Variants in DTNA observed in about 807,000 individuals in gnomAD.
DTNA encodes the protein dystrophin-related protein 3.
Under a neutral mutation model 100.7 loss-of-function variants are expected in DTNA, and 43 were observed. The ratio of observed to expected loss-of-function variants is 0.43; its 90% CI spans 0.33 to 0.55. DTNA has a LOEUF of 0.55. DTNA is among the 20% of genes least tolerant of loss of function. The pLI, the probability that DTNA is intolerant of heterozygous loss-of-function variation, is 0.04. For missense variants in DTNA, 798 were observed against 953.9 expected (o/e 0.84, Z 2.15); for synonymous variants, 349 against 347.9 (o/e 1.00, Z -0.04).
intron 1 of DTNA, among the ~76,000 whole-genome samples, chr18:34,667,661 T>G (rs971563649): frequency 3.3e-5 from 5 of 152,326 alleles, no homozygotes; most frequent in South Asian, 4.1e-4. Context: ...CAAAGGCCTT[T>G]TCTGCATCTA....
At chr18:34,882,367 TA>T (rs1478195548) in intron 21 of DTNA, among the ~76,000 whole-genome samples, 166 bp downstream of exon 21, 1 of 152,124 alleles carries the variant, frequency 6.6e-6, no homozygotes, top group Non-Finnish European at 1.5e-5. Context: ...GTAAACATTT[TA>T]AATACTTCTT....
intron 3 of DTNA, among the ~76,000 whole-genome samples, chr18:34,775,987 A>G (rs2094026362): frequency 6.6e-6 from 1 of 152,222 alleles, no homozygotes. Context: ...CACTCCAGTG[A>G]CATCTGTGAG....
chr18:34,726,152 C>T lies in DTNA; in HGVS notation c.-2+15707C>T, dbSNP rs550952674. Reference sequence around the variant, plus strand: ...TAGGAGAAATACCTAATGTAAATGACGAGTTCATAGGTGCAGCAAACCCAC... The same window carrying T: ...TAGGAGAAATACCTAATGTAAATGATGAGTTCATAGGTGCAGCAAACCCAC... On this transcript the variant is annotated intron_variant, in intron 1 of 22. Coordinates refer to ENST00000444659, the MANE Select transcript of DTNA (RefSeq NM_001386795.1). Among the ~76,000 whole-genome samples, 36 of 152,044 alleles carry T rather than the reference C, an allele frequency of 2.4e-4. No homozygotes were observed. The South Asian group carries it at 6.2e-3, about 26-fold the overall frequency.
At chr18:34,867,988 A>G (rs2096725092) in intron 17 of DTNA, 2 of 985,280 alleles carry the variant, frequency 2.0e-6, no homozygotes, top group Middle Eastern at 5.2e-4. Flanking sequence ...TTTTGCTTTT[A>G]TACACAAGCC....
At chr18:34,836,647 C>CAAA (rs749690995) in intron 11 of DTNA, among the ~76,000 whole-genome samples, 2 of 51,646 alleles carry the variant, frequency 3.9e-5, no homozygotes, top group African/African-American at 6.0e-5. Flanking sequence ...GACTCTGTCT[C>CAAA]AAAAAAAAAA....
intron 4 of DTNA, among the ~76,000 whole-genome samples, chr18:34,796,131 C>G (rs1290482107): frequency 1.3e-5 from 2 of 152,234 alleles, no homozygotes; most frequent in African/African-American, 2.4e-5. Flanking sequence ...AGACAAATTT[C>G]ACTGCAAAGA....
At chr18:34,700,499 A>T (rs900961030) in intron 1 of DTNA, among the ~76,000 whole-genome samples, 1 of 152,004 alleles carries the variant, frequency 6.6e-6, no homozygotes, top group Admixed American at 6.6e-5. Flanking sequence ...TCTATTACAT[A>T]GTTTATCCCT....
At chr18:34,590,216 C>A (rs74829126) in intron 1 of DTNA, among the ~76,000 whole-genome samples, 192 of 152,166 alleles carry the variant, frequency 1.3e-3, no homozygotes, top group African/African-American at 4.3e-3. Context: ...GTCTGTAGAG[C>A]CCCTGTTTTC....
At chr18:34,546,479 A>G (rs2044789075) in intron 1 of DTNA, among the ~76,000 whole-genome samples, 1 of 152,140 alleles carries the variant, frequency 6.6e-6, no homozygotes, top group Non-Finnish European at 1.5e-5. Flanking sequence ...AGGATCTAGA[A>G]TCATGCATGA....
At chr18:34,545,834 A>G (rs1460281071) in intron 1 of DTNA, among the ~76,000 whole-genome samples, 1 of 152,084 alleles carries the variant, frequency 6.6e-6, no homozygotes, top group Non-Finnish European at 1.5e-5. Context: ...AGAGAAAATT[A>G]TTTTATTTGT....
chr18:34,734,879 T>C (rs575635285), intron 1 of DTNA, among the ~76,000 whole-genome samples: 1 of 152,144 alleles, frequency 6.6e-6, no homozygotes, highest in Non-Finnish European at 1.5e-5. Context: ...CTATTAGAAG[T>C]AGAGTCCTTA....
intron 1 of DTNA, among the ~76,000 whole-genome samples, chr18:34,516,097 G>A (rs2041585688): frequency 1.3e-5 from 2 of 152,032 alleles, no homozygotes; most frequent in Admixed American, 6.6e-5. Context: ...TTCAACGTAG[G>A]TTCTTTTCTA....
intron 1 of DTNA, among the ~76,000 whole-genome samples, chr18:34,744,140 A>G (rs1344996799): frequency 6.6e-6 from 1 of 152,228 alleles, no homozygotes; most frequent in African/African-American, 2.4e-5. Flanking sequence ...AATTTGCTTT[A>G]TTAATGACAT....
chr18:34,649,332 C>T (rs968727792), intron 1 of DTNA, among the ~76,000 whole-genome samples: 1 of 152,250 alleles, frequency 6.6e-6, no homozygotes, highest in East Asian at 1.9e-4. Context: ...ATCTGCAAAA[C>T]GGCTGCTATT....
At chr18:34,705,559 C>T (rs1314465770), upstream of DTNA, among the ~76,000 whole-genome samples, 2 of 152,118 alleles carry the variant, frequency 1.3e-5, no homozygotes, top group Non-Finnish European at 2.9e-5. Context: ...GTTATTTCAC[C>T]TCTTTAAGCC....
chr18:34,504,163 TTTTTGTTTTG>T (rs1368348607), intron 1 of DTNA: 1 of 152,098 alleles, frequency 6.6e-6, no homozygotes, highest in Non-Finnish European at 1.5e-5. Context: ...GCCAGGTATT[TTTTTGTTTTG>T]TTTTGTTTTT....
Position 34,563,067 on chromosome 18 carries a change from C to T in DTNA, c.-2+69553C>T, listed in dbSNP as rs1321366301. The stretch of plus-strand genomic sequence containing the variant: ...AGCTTGTACTGGATTGACTAGCTTC[C>T]TCCAAAATGTTCCCAGTGGCAGTTT... On this transcript the variant is annotated intron_variant, in intron 1 of 19. Coordinates refer to the DTNA transcript ENST00000283365. 2.0e-5 allele frequency among the ~76,000 whole-genome samples: 3 copies of T among 152,160 alleles called. No individual in the cohort carries two copies. In the East Asian group the frequency reaches 5.8e-4, roughly 29 times the overall value.
chr18:34,724,339 A>T (rs1488221283), intron 1 of DTNA, among the ~76,000 whole-genome samples: 1 of 152,242 alleles, frequency 6.6e-6, no homozygotes, highest in African/African-American at 2.4e-5. Flanking sequence ...TAGCTAAAAA[A>T]TCCTATGCAG....
chr18:34,800,019 C>T (rs879593686), intron 4 of DTNA, among the ~76,000 whole-genome samples: 3 of 152,304 alleles, frequency 2.0e-5, no homozygotes, highest in African/African-American at 4.8e-5. Context: ...AACTTCACTA[C>T]GCCCCAAACC....
Sources: gnomAD v4.1 joint callset for allele counts (sites outside exome capture counted in the v4.1 genomes callset) on GRCh38, gnomAD v4.1.1 for gene constraint, MANE v1.5 for transcripts, NCBI Gene and HGNC (gene_info 2026-07-23, HGNC 2026-07-21) for gene names.